Variants in RAPGEF5 observed in about 807,000 individuals in gnomAD.
The protein encoded by RAPGEF5 is Rap guanine nucleotide exchange factor 5, also known as M-Ras-regulated GEF.
In RAPGEF5, 65 loss-of-function variants were observed where a neutral mutation model predicts 125.2. That is an observed-to-expected ratio of 0.52 (90% confidence interval 0.43 to 0.64). The LOEUF (loss-of-function observed/expected upper bound fraction) is 0.64. RAPGEF5 is among the 30% of genes least tolerant of loss of function. The probability of loss-of-function intolerance (pLI) is 0.00; values close to 1 mark genes in which losing one functional copy is unlikely to be tolerated. For synonymous variants in RAPGEF5, 391 were observed against 385.9 expected (o/e 1.01, Z -0.16); for missense variants, 958 against 1,048.1 (o/e 0.91, Z 1.19).
chr7:22,252,056 C>G lies in RAPGEF5; in HGVS notation c.796+14908G>C, dbSNP rs986180905. 3.3e-5 allele frequency among the ~76,000 whole-genome samples: 5 copies of G among 152,254 alleles called. No individual in the cohort carries two copies. The East Asian group carries it at 7.7e-4, about 23-fold the overall frequency. On this transcript the variant is annotated intron_variant, in intron 7 of 25. Coordinates refer to ENST00000665637, the MANE Select transcript of RAPGEF5 (RefSeq NM_012294.5). ...CCAGGAGCTGCAATGCTGGAAGCTG[C>G]TTCTTAGCTCTCAACTAGAAAACTT...
chr7:22,138,962 C>A (rs183436977), intron 21 of RAPGEF5, among the ~76,000 whole-genome samples: 21 of 152,342 alleles, frequency 1.4e-4, no homozygotes, highest in African/African-American at 4.8e-4. Context: ...GTCTTGTTTG[C>A]TTAAGCAGAG....
chr7:22,225,537 C>T (rs1345870326), intron 8 of RAPGEF5, among the ~76,000 whole-genome samples: 1 of 152,200 alleles, frequency 6.6e-6, no homozygotes, highest in Admixed American at 6.5e-5. Flanking sequence ...CAGTGCTATG[C>T]GGAAGCATCA....
intron 5 of RAPGEF5, among the ~76,000 whole-genome samples, chr7:22,301,254 C>T (rs927170210): frequency 2.0e-5 from 3 of 152,110 alleles, no homozygotes; most frequent in East Asian, 3.9e-4. Flanking sequence ...CAGTGGAATT[C>T]GTTATTATCT....
chr7:22,148,863 T>C (rs1420606296), intron 18 of RAPGEF5, among the ~76,000 whole-genome samples: 1 of 152,166 alleles, frequency 6.6e-6, no homozygotes, highest in Non-Finnish European at 1.5e-5. Flanking sequence ...CCACAGTAGC[T>C]ACATGTCAGA....
intron 11 of RAPGEF5, among the ~76,000 whole-genome samples, chr7:22,173,147 T>C (rs981209372): frequency 2.0e-5 from 3 of 152,192 alleles, no homozygotes; most frequent in Admixed American, 6.5e-5. Context: ...CCATTTCTGG[T>C]CCTGGAATGT....
intron 9 of RAPGEF5, among the ~76,000 whole-genome samples, chr7:22,205,572 C>A (rs1235677148): frequency 2.0e-5 from 3 of 152,156 alleles, no homozygotes; most frequent in African/African-American, 7.2e-5. Flanking sequence ...GACAGATAGA[C>A]ATGTAAGAGA....
chr7:22,280,431 G>A (rs7805929), intron 6 of RAPGEF5, among the ~76,000 whole-genome samples: 4 of 152,108 alleles, frequency 2.6e-5, no homozygotes, highest in African/African-American at 9.7e-5. Flanking sequence ...GCTCAGGTTG[G>A]GGGAAAGGAG....
chr7:22,140,527 C>T (rs539598038), intron 20 of RAPGEF5, among the ~76,000 whole-genome samples: 1 of 152,136 alleles, frequency 6.6e-6, no homozygotes, highest in African/African-American at 2.4e-5. Flanking sequence ...CTTCTCACCC[C>T]ACAGGTCTAA....
chr7:22,335,809 A>T (rs1190095352), intron 1 of RAPGEF5, among the ~76,000 whole-genome samples: 2 of 152,158 alleles, frequency 1.3e-5, no homozygotes, highest in East Asian at 1.9e-4. Context: ...TCTCTGTCAC[A>T]TAAGGTAACT....
chr7:22,125,723 G>T, intron 24 of RAPGEF5, 65 bp from the exon 25 acceptor site: 2 of 1,432,300 alleles, frequency 1.4e-6, no homozygotes, highest in Non-Finnish European at 2.0e-6. Flanking sequence ...AAGAAGCAGT[G>T]CCTGCTAGGA....
chr7:22,268,004 G>A (rs1238492698), intron 6 of RAPGEF5, among the ~76,000 whole-genome samples: 2 of 152,148 alleles, frequency 1.3e-5, no homozygotes, highest in African/African-American at 4.8e-5. Flanking sequence ...GAAGGCAAGT[G>A]TAGCAATATG....
At chr7:22,284,865 A>G (rs1051381425) in intron 6 of RAPGEF5, among the ~76,000 whole-genome samples, 1 of 152,250 alleles carries the variant, frequency 6.6e-6, no homozygotes, top group Non-Finnish European at 1.5e-5. Context: ...ATATTTCTAA[A>G]TGTGATAGAA....
At chr7:22,355,901 A>T in intron 1 of RAPGEF5, 7 of 949,868 alleles carry the variant, frequency 7.4e-6, no homozygotes, top group Non-Finnish European at 8.8e-6. Flanking sequence ...GCCAAACGGG[A>T]AAGAAAAACC....
At chr7:22,239,271 C>T (rs1786264088) in intron 7 of RAPGEF5, among the ~76,000 whole-genome samples, 1 of 152,148 alleles carries the variant, frequency 6.6e-6, no homozygotes, top group African/African-American at 2.4e-5. Flanking sequence ...ATTGCCTTCC[C>T]CCCAAATCCT....
intron 1 of RAPGEF5, among the ~76,000 whole-genome samples, chr7:22,332,243 C>T (rs1197997363): frequency 6.6e-6 from 1 of 152,154 alleles, no homozygotes; most frequent in African/African-American, 2.4e-5. Context: ...CCAGGGCACT[C>T]GAACTTTGCC....
chr7:22,333,472 A>C (rs1221514638), intron 1 of RAPGEF5, among the ~76,000 whole-genome samples: 1 of 152,232 alleles, frequency 6.6e-6, no homozygotes, highest in African/African-American at 2.4e-5. Flanking sequence ...ATTTCAACAA[A>C]AGAATGGACA....
intron 7 of RAPGEF5, among the ~76,000 whole-genome samples, chr7:22,260,918 G>C (rs537306198): frequency 6.6e-6 from 1 of 152,278 alleles, no homozygotes; most frequent in Non-Finnish European, 1.5e-5. Context: ...ACAGAGACCA[G>C]AAATAAATCC....
chr7:22,131,869 T>G (rs1782924510), intron 23 of RAPGEF5, among the ~76,000 whole-genome samples: 1 of 152,170 alleles, frequency 6.6e-6, no homozygotes, highest in African/African-American at 2.4e-5. Context: ...ATTTGGAAAT[T>G]AGTTACATTA....
At chr7:22,179,239 TAA>T (rs975882786) in intron 11 of RAPGEF5, among the ~76,000 whole-genome samples, 2 of 152,152 alleles carry the variant, frequency 1.3e-5, no homozygotes, top group African/African-American at 4.8e-5. Flanking sequence ...TTCCAAGCAA[TAA>T]TATATGGAAT....
Sources: allele counts gnomAD v4.1 joint callset (sites outside exome capture counted in the v4.1 genomes callset), GRCh38; gene constraint gnomAD v4.1.1; transcripts MANE v1.5; gene names NCBI Gene and HGNC (gene_info 2026-07-23, HGNC 2026-07-21).